Variants in DLC1 observed in about 807,000 individuals in gnomAD.
DLC1 encodes rho GTPase-activating protein 7.
Under a neutral mutation model 140.3 loss-of-function variants are expected in DLC1, and 54 were observed. The observed-to-expected ratio is 0.38, with a 90% CI of 0.31 to 0.48. The LOEUF is 0.48. Ranked by LOEUF, DLC1 falls within the 20% of genes least tolerant of loss-of-function variation. The probability of loss-of-function intolerance (pLI) is 0.96; values close to 1 mark genes in which losing one functional copy is unlikely to be tolerated. For synonymous variants in DLC1, 986 were observed against 728.1 expected, an observed-to-expected ratio of 1.35 and a Z score of -5.70; for missense variants, 2,536 against 1,907.0, an observed-to-expected ratio of 1.33 and a Z score of -6.14.
chr8:13,207,136 A>T (rs1266232195), intron 5 of DLC1, among the ~76,000 whole-genome samples: 2 of 152,210 alleles, frequency 1.3e-5, no homozygotes, highest in Non-Finnish European at 2.9e-5. Flanking sequence ...ATTAAAACTC[A>T]TACACAAATT....
intron 1 of DLC1, among the ~76,000 whole-genome samples, chr8:13,563,302 G>T (rs1284572016): frequency 1.3e-5 from 2 of 152,040 alleles, no homozygotes; most frequent in Non-Finnish European, 2.9e-5. Context: ...TGATATTAAG[G>T]ATTTATCGTC....
At chr8:13,537,869 A>G (rs572183606) in intron 1 of DLC1, among the ~76,000 whole-genome samples, 106 of 151,960 alleles carry the variant, frequency 7.0e-4, no homozygotes, top group Middle Eastern at 3.4e-3. Context: ...TAGTCAGGAT[A>G]GTCTACGATT....
intron 3 of DLC1, 22 bp from the exon 4 acceptor site, chr8:13,393,715 G>T: frequency 6.2e-7 from 1 of 1,601,984 alleles, no homozygotes; most frequent in Non-Finnish European, 8.5e-7. Flanking sequence ...CAAATGCACT[G>T]GTATGAAGGA....
chr8:13,409,071 G>A (rs1336396487), intron 2 of DLC1, among the ~76,000 whole-genome samples: 3 of 151,588 alleles, frequency 2.0e-5, no homozygotes, highest in Admixed American at 1.3e-4. Context: ...TACCGGCACT[G>A]TTGTAACTCT....
intron 5 of DLC1, among the ~76,000 whole-genome samples, chr8:13,205,622 TA>T (rs1827622807): frequency 6.6e-6 from 1 of 151,720 alleles, no homozygotes; most frequent in Non-Finnish European, 1.5e-5. Flanking sequence ...AAAAAAAAAA[TA>T]GCAAAAAATT....
intron 1 of DLC1, chr8:13,567,076 A>T: frequency 6.4e-7 from 1 of 1,551,748 alleles, no homozygotes; most frequent in Non-Finnish European, 8.7e-7. Flanking sequence ...GAAGAACTCT[A>T]CTGATGAGGT....
At chr8:13,286,243 G>A (rs1043446070) in intron 5 of DLC1, among the ~76,000 whole-genome samples, 9 of 152,120 alleles carry the variant, frequency 5.9e-5, no homozygotes, top group African/African-American at 1.7e-4. Context: ...AAAATTAGAT[G>A]TATGACTTCA....
At chr8:13,429,965 T>G (rs1375697457) in intron 2 of DLC1, among the ~76,000 whole-genome samples, 3 of 152,328 alleles carry the variant, frequency 2.0e-5, no homozygotes, top group Admixed American at 1.3e-4. Flanking sequence ...CGTGTGCATA[T>G]AGGTGGTTCT....
chr8:13,498,975 G>A (rs758244415), intron 2 of DLC1, 74 bp downstream of exon 2: 2 of 1,481,782 alleles, frequency 1.3e-6, no homozygotes, highest in East Asian at 2.3e-5. Flanking sequence ...TTTAATCCAA[G>A]CAAAATGATA....
rs1283838731 is a variant in DLC1 at position 13,453,511 on chromosome 8, T to TAC, written c.1023+45537_1023+45538insGT. Among the ~76,000 whole-genome samples the TAC allele has an allele frequency of 2.0e-3, 62 of 31,480 alleles. 13 individuals carry two copies. Among genetic ancestry groups the TAC allele is most frequent in the African/African-American group, 9.1e-3 (57 of 6,232 alleles). The allele number at this position is 31,480 out of a possible 152,430, so 20.7% of individuals were successfully genotyped here. Reference sequence around the variant, plus strand: ...ATATACATATATATATGTATATATATATACATATATATATATGTATATATA... The same window carrying TAC: ...ATATACATATATATATGTATATATATACATACATATATATATATGTATATATA... On this transcript the variant is annotated intron_variant, in intron 2 of 17. Transcript: ENST00000276297.
At chr8:13,352,401 G>C (rs1182495860) in intron 4 of DLC1, among the ~76,000 whole-genome samples, 1 of 151,994 alleles carries the variant, frequency 6.6e-6, no homozygotes. Flanking sequence ...TCTTTCTCTT[G>C]AGACAGGGTC....
At chr8:13,218,416 G>A (rs79551185) in intron 5 of DLC1, among the ~76,000 whole-genome samples, 2,467 of 152,096 alleles carry the variant, frequency 0.016, 62 homozygotes, top group African/African-American at 0.056. Context: ...GCTTTTGTGC[G>A]TCAAAGGAAA....
chr8:13,239,741 T>C (rs1206047476), intron 5 of DLC1, among the ~76,000 whole-genome samples: 1 of 152,052 alleles, frequency 6.6e-6, no homozygotes, highest in Non-Finnish European at 1.5e-5. Context: ...GAGAATCCAG[T>C]GGGGTGATAT....
At chr8:13,287,153 G>A (rs1831560904) in intron 5 of DLC1, among the ~76,000 whole-genome samples, 1 of 152,020 alleles carries the variant, frequency 6.6e-6, no homozygotes, top group South Asian at 2.1e-4. Flanking sequence ...TAAACAGCTG[G>A]GAAACTCTGA....
intron 1 of DLC1, among the ~76,000 whole-genome samples, chr8:13,553,054 T>C (rs1480297441): frequency 6.6e-6 from 1 of 151,314 alleles, no homozygotes; most frequent in Non-Finnish European, 1.5e-5. Context: ...TACAAAATAT[T>C]AGTTTCATTA....
chr8:13,183,402 A>G (rs1335832810), intron 5 of DLC1, among the ~76,000 whole-genome samples: 1 of 152,192 alleles, frequency 6.6e-6, no homozygotes, highest in Non-Finnish European at 1.5e-5. Flanking sequence ...CCAGTTTTCA[A>G]AGGGAATGCT....
At chr8:13,515,492 GT>G (rs1168596684), upstream of DLC1, 1 of 152,146 alleles carries the variant, frequency 6.6e-6, no homozygotes, top group African/African-American at 2.4e-5. Context: ...CAAAAATCCA[GT>G]GCTGGAGCAG....
chr8:13,128,203 A>G (rs898447401), intron 5 of DLC1, among the ~76,000 whole-genome samples: 1 of 152,296 alleles, frequency 6.6e-6, no homozygotes, highest in Admixed American at 6.5e-5. Flanking sequence ...GCATTCACAT[A>G]TTTTCAGTCA....
At chr8:13,269,716 AAAAAAAAAAG>A in intron 5 of DLC1, among the ~76,000 whole-genome samples, 1 of 138,104 alleles carries the variant, frequency 7.2e-6, no homozygotes, top group Non-Finnish European at 1.5e-5. Flanking sequence ...AAAAAAAAAA[AAAAAAAAAAG>A]ACACATTATA....
Sources: allele counts gnomAD v4.1 joint callset (sites outside exome capture counted in the v4.1 genomes callset), GRCh38; gene constraint gnomAD v4.1.1; transcripts MANE v1.5; gene names NCBI Gene and HGNC (gene_info 2026-07-23, HGNC 2026-07-21).